Variants in PAPSS2 observed in about 807,000 individuals in gnomAD.
The protein encoded by PAPSS2 is 3'-phosphoadenosine 5'-phosphosulfate synthase 2, also known as bifunctional 3'-phosphoadenosine 5'-phosphosulfate synthase 2.
PAPSS2 carries 61 observed loss-of-function variants against 66.5 expected under a neutral mutation model. That is an observed-to-expected ratio of 0.92 (90% CI 0.75 to 1.14). PAPSS2 has a LOEUF of 1.14. Ranked by LOEUF, PAPSS2 falls within the 50% of genes most tolerant of loss-of-function variation. PAPSS2 has a pLI of 0.00. For synonymous variants in PAPSS2, 289 were observed against 287.5 expected (o/e 1.01, Z -0.05); for missense variants, 708 against 789.6 (o/e 0.90, Z 1.24).
At chr10:87,736,911 C>G (rs1205552329) in intron 9 of PAPSS2, among the ~76,000 whole-genome samples, 3 of 152,126 alleles carry the variant, frequency 2.0e-5, no homozygotes, top group African/African-American at 7.2e-5. Flanking sequence ...TGTGGGCACC[C>G]CAGGCTGCAT....
At chr10:87,662,789 A>G (rs1852768644) in intron 1 of PAPSS2, among the ~76,000 whole-genome samples, 1 of 152,220 alleles carries the variant, frequency 6.6e-6, no homozygotes, top group African/African-American at 2.4e-5. Flanking sequence ...TAGGAAAACA[A>G]TTGGAAAGGA....
In PAPSS2 at chr10:87,744,992, C is replaced by A. The variant is rs752864569; in HGVS notation, c.1492-10C>A. The A allele has an allele frequency of 1.9e-6, 3 of 1,611,924 alleles. No individual in the cohort carries two copies. In the East Asian group the frequency reaches 6.7e-5, roughly 36 times the overall value. On this transcript the variant is annotated splice_polypyrimidine_tract_variant and intron_variant, in intron 11 of 12. Transcript: ENST00000456849. Reference sequence around the variant, plus strand: ...CAATGACCAGCATGTCCCTTATGGACATTTTCTAGGTCCAGTGGCACTGCA... The same window carrying A: ...CAATGACCAGCATGTCCCTTATGGAAATTTTCTAGGTCCAGTGGCACTGCA...
At chr10:87,716,345 C>T (rs1409041301) in intron 7 of PAPSS2, among the ~76,000 whole-genome samples, 1 of 152,162 alleles carries the variant, frequency 6.6e-6, no homozygotes, top group Non-Finnish European at 1.5e-5. Flanking sequence ...TGGTTTCATC[C>T]ACTACACTCT....
At chr10:87,709,874 AC>A (rs1253465300) in intron 2 of PAPSS2, among the ~76,000 whole-genome samples, 2 of 152,182 alleles carry the variant, frequency 1.3e-5, no homozygotes, top group Non-Finnish European at 2.9e-5. Context: ...TACAGAAATA[AC>A]TTGCTGCTGC....
In PAPSS2 at chr10:87,746,116, AAT is replaced by A. The variant is rs1554869554; in HGVS notation, c.*158_*159del. On this transcript the variant is annotated 3_prime_UTR_variant, in exon 13 of 13. Transcript: ENST00000456849. Reference sequence around the variant, plus strand: ...AAAGTTGTGTCTATAATTAAAAAAAAATATATATATATACACACACACATATA... The same window carrying A: ...AAAGTTGTGTCTATAATTAAAAAAAAATATATATATACACACACACATATA... 1.1e-4 allele frequency: 68 copies of A among 597,594 alleles called. No homozygotes were observed. The highest frequency in any genetic ancestry group is 4.7e-4 in the Middle Eastern group (1 of 2,142). The allele number at this position is 597,594 out of a possible 1,614,324, so 37.0% of individuals were successfully genotyped here. A position where few individuals can be genotyped will look rare whatever the true frequency, so the allele number is the denominator to read the frequency against.
chr10:87,668,842 C>CTG (rs1852843494), intron 1 of PAPSS2, among the ~76,000 whole-genome samples: 1 of 152,162 alleles, frequency 6.6e-6, no homozygotes, highest in Non-Finnish European at 1.5e-5. Flanking sequence ...TTCCACTAAG[C>CTG]TAGAACTCTG....
At chr10:87,721,646 G>A (rs1229144268) in intron 7 of PAPSS2, 110 bp from the exon 8 acceptor site, 21 of 719,052 alleles carry the variant, frequency 2.9e-5, no homozygotes, top group Non-Finnish European at 4.7e-5. Flanking sequence ...ATATTTGTAT[G>A]TTGTATATGT....
chr10:87,705,807 C>T (rs935942040), intron 1 of PAPSS2, among the ~76,000 whole-genome samples: 2 of 150,890 alleles, frequency 1.3e-5, no homozygotes, highest in Non-Finnish European at 2.9e-5. Flanking sequence ...GATCTCGGGT[C>T]ACTGCAACCT....
intron 1 of PAPSS2, among the ~76,000 whole-genome samples, chr10:87,702,537 G>A (rs528880751): frequency 2.0e-5 from 3 of 152,284 alleles, no homozygotes; most frequent in Non-Finnish European, 2.9e-5. Flanking sequence ...ACTGAGGAGC[G>A]GGAAGATTTG....
intron 1 of PAPSS2, chr10:87,660,237 C>G: frequency 1.7e-6 from 1 of 602,164 alleles, no homozygotes. Flanking sequence ...AATCTGCGCT[C>G]CTTGGGGTCG....
intron 1 of PAPSS2, chr10:87,703,646 CA>C (rs1157293417): frequency 4.2e-6 from 2 of 481,152 alleles, no homozygotes; most frequent in Non-Finnish European, 8.3e-6. Context: ...CTCCAGGTCA[CA>C]GAGCAAATCA....
chr10:87,704,001 A>G (rs767484586), intron 1 of PAPSS2: 1 of 503,222 alleles, frequency 2.0e-6, no homozygotes, highest in Non-Finnish European at 4.0e-6. Context: ...AGAACATCAT[A>G]GGCTCTTTGG....
chr10:87,663,227 T>G (rs932082791), intron 1 of PAPSS2, among the ~76,000 whole-genome samples: 1 of 148,454 alleles, frequency 6.7e-6, no homozygotes, highest in Non-Finnish European at 1.5e-5. Context: ...TTCTCCTGCC[T>G]CAGCCTCCCG....
At chr10:87,705,666 A>G (rs1853373369) in intron 1 of PAPSS2, among the ~76,000 whole-genome samples, 1 of 151,982 alleles carries the variant, frequency 6.6e-6, no homozygotes, top group Non-Finnish European at 1.5e-5. Flanking sequence ...GGCCTTGTGT[A>G]TGTCTTCCTT....
rs1034806714 is a variant in PAPSS2, at chr10:87,714,274, A to G, written c.520+92A>G. ...CTCAGAAATCTTCCTTGAGTTTCAA[A>G]CTGTTTTCCAAAATTGCATATAACA... On this transcript the variant is annotated intron_variant, in intron 4 of 12. Coordinates refer to ENST00000456849, the MANE Select transcript of PAPSS2 (RefSeq NM_001015880.2). 1.7e-5 allele frequency: 24 copies of G among 1,434,486 alleles called. No individual in the cohort carries two copies. In the African/African-American group the frequency reaches 2.8e-4, roughly 17 times the overall value. The allele number at this position is 1,434,486 out of a possible 1,614,324, so 88.9% of individuals were successfully genotyped here.
At chr10:87,684,150 T>C (rs1162069973) in intron 1 of PAPSS2, among the ~76,000 whole-genome samples, 1 of 152,226 alleles carries the variant, frequency 6.6e-6, no homozygotes, top group Non-Finnish European at 1.5e-5. Flanking sequence ...ATAATTTTAA[T>C]GCATGACCAA....
intron 1 of PAPSS2, among the ~76,000 whole-genome samples, chr10:87,708,911 G>A (rs1460238649): frequency 6.6e-6 from 1 of 152,110 alleles, no homozygotes; most frequent in Non-Finnish European, 1.5e-5. Flanking sequence ...AAGCAAAACT[G>A]CTTATGAATA....
At chr10:87,701,327 CCTTTCTTTCTTT>C (rs71019494) in intron 1 of PAPSS2, among the ~76,000 whole-genome samples, 3,314 of 71,282 alleles carry the variant, frequency 0.046, 222 homozygotes, top group Non-Finnish European at 0.064. Context: ...TTCCTTCCTT[CCTTTCTTTCTTT>C]CTTTCTTTCT....
In PAPSS2 at chr10:87,714,118, A is replaced by C. The variant is rs1853502564; in HGVS notation, c.456A>C (p.Leu152=). ...TTGAAATATTTGTAGATGCACCTCT[A>C]AATATTTGTGAAAGCAGAGACGTAA... is the stretch of plus-strand genomic sequence containing the variant. ...PFFEIFVDAP[L]NICESRDVKG... is the part of the protein sequence containing the mutation. The change falls in exon 4 of 13, where the codon CTA becomes CTC. Residue 152 remains leucine (L), a synonymous_variant. Coordinates refer to ENST00000456849, the MANE Select transcript of PAPSS2 (RefSeq NM_001015880.2). The C allele has an allele frequency of 1.2e-6, 2 of 1,613,814 alleles. No individual in the cohort carries two copies. Among genetic ancestry groups the C allele is most frequent in the East Asian group, 2.2e-5 (1 of 44,894 alleles).
Sources: allele counts gnomAD v4.1 joint callset (sites outside exome capture counted in the v4.1 genomes callset), GRCh38; gene constraint gnomAD v4.1.1; transcripts MANE v1.5; gene names NCBI Gene and HGNC (gene_info 2026-07-23, HGNC 2026-07-21).